The following PDGFB variants were observed in gnomAD, a reference collection of about 807,000 sequenced individuals.
PDGFB encodes platelet-derived growth factor subunit B.
Under a neutral mutation model 29.0 loss-of-function variants are expected in PDGFB, and 6 were observed. The ratio of observed to expected loss-of-function variants is 0.21; its 90% CI spans 0.11 to 0.41. The LOEUF (loss-of-function observed/expected upper bound fraction) is 0.41, where lower values mean the gene tolerates loss of function less well. PDGFB is among the 10% of genes least tolerant of loss of function. The probability of loss-of-function intolerance (pLI) is 1.00; values close to 1 mark genes in which losing one functional copy is unlikely to be tolerated. For missense variants in PDGFB, 299 were observed against 341.8 expected, an observed-to-expected ratio of 0.87 and a Z score of 0.99; for synonymous variants, 144 against 140.8, an observed-to-expected ratio of 1.02 and a Z score of -0.16.
Position 39,228,893 on chromosome 22 carries a change from A to AAAAAAAAAAAAAT in PDGFB, c.601+1190_601+1191insATTTTTTTTTTTT, listed in dbSNP as rs1184799325. Among the ~76,000 whole-genome samples the AAAAAAAAAAAAAT allele has an allele frequency of 9.9e-3, 1,312 of 132,460 alleles. 24 individuals carry two copies. Among genetic ancestry groups the AAAAAAAAAAAAAT allele is most frequent in the Non-Finnish European group, 0.014 (819 of 59,770 alleles). 86.9% of individuals were successfully genotyped at this position (132,460 alleles called of 152,430 possible). On this transcript the variant is annotated intron_variant, in intron 5 of 6. Transcript: ENST00000331163. ...GACAGGGTGAGACTGCCTCAAAAAAAATATATATATATATAGATATATATA... is the reference window on the plus strand; with the variant it reads ...GACAGGGTGAGACTGCCTCAAAAAAAAAAAAAAAAAAATATATATATATATATAGATATATATA...
rs755584077 is a variant in PDGFB at position 39,231,759 on chromosome 22, A to T, written c.319T>A (p.Ser107Thr). The change falls in exon 4 of 7, where the codon TCC becomes ACC. Residue 107 changes from serine to threonine, a missense_variant. Ser to Thr is a moderately conservative substitution (Grantham distance 58, BLOSUM62 1). Coordinates refer to ENST00000331163, the MANE Select transcript of PDGFB (RefSeq NM_002608.4). This position sits in a 1 kb window ranked among gnomAD's most constrained non-coding sequence, Gnocchi z 4.3. ...TTGGTGCGGTCTATGAGGCGCCGGG[A>T]GATCTCGAACACCTCGGTGCGCGTC... The part of the protein sequence containing the change: ...CKTRTEVFEI[S>T]RRLIDRTNAN... 13 of 1,613,488 alleles carry T rather than the reference A, an allele frequency of 8.1e-6. No individual in the cohort carries two copies. The South Asian group carries it at 1.4e-4, about 18-fold the overall frequency.
intron 3 of PDGFB, among the ~76,000 whole-genome samples, chr22:39,232,946 C>T (rs183831905): frequency 1.5e-4 from 23 of 152,320 alleles, no homozygotes; most frequent in Admixed American, 1.4e-3. Flanking sequence ...TAGGTCTCTG[C>T]AAGGGAGCAG....
At chr22:39,238,233 G>A (rs1471433257) in intron 1 of PDGFB, among the ~76,000 whole-genome samples, 1 of 152,156 alleles carries the variant, frequency 6.6e-6, no homozygotes, top group Admixed American at 6.5e-5. Context: ...GGTAAATACT[G>A]GTCAAATGCA....
chr22:39,228,917 T>TATAA (rs1311126916), intron 5 of PDGFB, among the ~76,000 whole-genome samples: 2 of 148,750 alleles, frequency 1.3e-5, no homozygotes, highest in Non-Finnish European at 3.0e-5. Flanking sequence ...TAGATATATA[T>TATAA]AATTTTCCCT....
intron 1 of PDGFB, among the ~76,000 whole-genome samples, chr22:39,237,201 C>T (rs1932466479): frequency 6.6e-6 from 1 of 151,532 alleles, no homozygotes; most frequent in Non-Finnish European, 1.5e-5. Flanking sequence ...GCTCTGTTTC[C>T]TCCAGCTTAT....
chr22:39,230,021 G>A (rs1157943837), intron 5 of PDGFB, 63 bp downstream of exon 5: 6 of 1,560,176 alleles, frequency 3.8e-6, no homozygotes, highest in Admixed American at 1.9e-5. Flanking sequence ...TTTTAAGACC[G>A]GCCCCTGCCC....
intron 1 of PDGFB, among the ~76,000 whole-genome samples, chr22:39,236,259 T>C (rs1932440150): frequency 6.6e-6 from 1 of 152,224 alleles, no homozygotes; most frequent in South Asian, 2.1e-4. Flanking sequence ...ATGGCCAATC[T>C]AACCCCCATT....
intron 5 of PDGFB, among the ~76,000 whole-genome samples, chr22:39,227,834 C>T (rs1932203930): frequency 6.6e-6 from 1 of 152,204 alleles, no homozygotes; most frequent in Non-Finnish European, 1.5e-5. Flanking sequence ...GACCTCCCAC[C>T]TTACAGACAC....
rs149693918 is a variant in PDGFB at position 39,230,106 on chromosome 22, C to G, written c.579G>C (p.Pro193=). 4.3e-6 allele frequency: 7 copies of G among 1,613,778 alleles called. No individual in the cohort carries two copies. The East Asian group carries it at 1.3e-4, about 31-fold the overall frequency. Residue 193 remains proline, a synonymous_variant, in exon 5 of 7, where the codon CCG becomes CCC. Coordinates refer to ENST00000331163, the MANE Select transcript of PDGFB (RefSeq NM_002608.4). ...TACCTCGCTGCTCCTGGGAACCCCC[C>G]GGGCTTCGGGTCACAGGCCGTGCAG... ...VAAARPVTRS[P]GGSQEQRAKT...
rs1226812494 is a variant in PDGFB at position 39,241,049 on chromosome 22, C to A, written c.63+2852G>T. 7 of 690,128 alleles carry A rather than the reference C, an allele frequency of 1.0e-5. No homozygotes were observed. In the African/African-American group the frequency reaches 1.2e-4, roughly 12 times the overall value. The allele number at this position is 690,128 out of a possible 1,614,324, so 42.8% of individuals were successfully genotyped here. A position where few individuals can be genotyped will look rare whatever the true frequency, so the allele number is the denominator to read the frequency against. On this transcript the variant is annotated intron_variant, in intron 1 of 6. Transcript: ENST00000331163. ...TGGGATTCCAGCAGTTGGTCTCCTGCCCCCTAGGGCCATTAGCAAAGCCAG... is the reference window on the plus strand; with the variant it reads ...TGGGATTCCAGCAGTTGGTCTCCTGACCCCTAGGGCCATTAGCAAAGCCAG...
intron 1 of PDGFB, among the ~76,000 whole-genome samples, chr22:39,241,922 G>A (rs1401512584): frequency 6.6e-6 from 1 of 152,104 alleles, no homozygotes; most frequent in East Asian, 1.9e-4. Context: ...AAAAAAAGTA[G>A]GTGCTGTGGT....
intron 2 of PDGFB, among the ~76,000 whole-genome samples, chr22:39,234,547 G>A (rs984076123): frequency 5.3e-5 from 8 of 152,196 alleles, no homozygotes; most frequent in Non-Finnish European, 7.3e-5. Context: ...GGCGCCTGCC[G>A]CCTGTCCGTC....
Position 39,231,100 on chromosome 22 carries a change from G to A in PDGFB, c.456+522C>T, listed in dbSNP as rs149807301. On this transcript the variant is annotated intron_variant, in intron 4 of 6. Coordinates refer to ENST00000331163, the MANE Select transcript of PDGFB (RefSeq NM_002608.4). This position sits in a 1 kb window ranked among gnomAD's most constrained non-coding sequence, Gnocchi z 4.3. ...CCCAGCTCCGCAGTGTCTATCACCT[G>A]GTGGGCCTCTCTGCACTCTCTTTAT... 5.3e-3 allele frequency among the ~76,000 whole-genome samples: 803 copies of A among 152,302 alleles called. 7 individuals are homozygous for A. Among genetic ancestry groups the A allele is most frequent in the African/African-American group, 0.018 (760 of 41,562 alleles).
chr22:39,233,346 G>A lies in PDGFB; in HGVS notation c.250+89C>T, dbSNP rs181342745. On this transcript the variant is annotated intron_variant, in intron 3 of 6. Transcript: ENST00000331163. ...GAACGGGAGTTGTAAGAGGACCCTC[G>A]GGGCCCTCCGACTGGCTGCCCGCCC... 1,383 of 905,866 alleles carry A rather than the reference G, an allele frequency of 1.5e-3. 7 individuals are homozygous for A. The highest frequency in any genetic ancestry group is 6.8e-4 in the Non-Finnish European group (399 of 583,598). 56.1% of individuals were successfully genotyped at this position (905,866 alleles called of 1,614,324 possible). A position where few individuals can be genotyped will look rare whatever the true frequency, so the allele number is the denominator to read the frequency against.
chr22:39,230,490 G>C (rs541358871), intron 4 of PDGFB, among the ~76,000 whole-genome samples: 1 of 152,262 alleles, frequency 6.6e-6, no homozygotes, highest in African/African-American at 2.4e-5. Context: ...AGCCAGAAAG[G>C]CATTTCCGGG....
chr22:39,238,056 A>G (rs1252469119), intron 1 of PDGFB, among the ~76,000 whole-genome samples: 1 of 152,266 alleles, frequency 6.6e-6, no homozygotes, highest in South Asian at 2.1e-4. Flanking sequence ...CCCACTGGAG[A>G]GCCGGCTGCA....
chr22:39,226,841 G>T (rs1932179186), intron 5 of PDGFB, among the ~76,000 whole-genome samples: 1 of 152,194 alleles, frequency 6.6e-6, no homozygotes, highest in African/African-American at 2.4e-5. Context: ...ATGGTAGAGT[G>T]GGATGGGCCA....
intron 1 of PDGFB, among the ~76,000 whole-genome samples, chr22:39,238,918 A>G (rs5750782): frequency 0.67 from 102,240 of 152,230 alleles, 35,507 homozygotes; most frequent in East Asian, 0.9. Context: ...ACCACCCTTC[A>G]GGGCACAGGA....
At chr22:39,240,856 A>G in intron 1 of PDGFB, 1 of 1,613,728 alleles carries the variant, frequency 6.2e-7, no homozygotes, top group South Asian at 1.1e-5. Context: ...GGTACTTACG[A>G]GGCCCATGAT....
Sources: allele counts gnomAD v4.1 joint callset (sites outside exome capture counted in the v4.1 genomes callset), GRCh38; gene constraint gnomAD v4.1.1; non-coding constraint Gnocchi (gnomAD v3.1); transcripts MANE v1.5; gene names NCBI Gene and HGNC (gene_info 2026-07-23, HGNC 2026-07-21).